TRIM43B: variants seen among roughly 807,000 people sequenced by gnomAD.
TRIM43B encodes tripartite motif containing 43B, also known as tripartite motif-containing protein 43B.
TRIM43B carries 15 observed loss-of-function variants against 27.0 expected under a neutral mutation model. That is an observed-to-expected ratio of 0.55 (90% CI 0.37 to 0.85). The LOEUF is 0.85. TRIM43B is among the 40% of genes least tolerant of loss of function. TRIM43B has a pLI of 0.00. For synonymous variants in TRIM43B, 69 were observed against 97.8 expected, an observed-to-expected ratio of 0.71 and a Z score of 1.74; for missense variants, 172 against 289.8, an observed-to-expected ratio of 0.59 and a Z score of 2.95.
exon 4 of TRIM43B, chr2:95,480,516 G>T (rs1373663525): frequency 1.2e-5 from 20 of 1,608,162 alleles, no homozygotes; most frequent in Non-Finnish European, 8.5e-7. Context: ...GATCATCTGT[G>T]CCCGTAAAAC....
chr2:95,484,456 T>G (rs1683604646), intron 1 of TRIM43B, 150 bp downstream of exon 1: 1 of 131,184 alleles, frequency 7.6e-6, no homozygotes, highest in African/African-American at 2.8e-5. Flanking sequence ...TTAAAATAAT[T>G]TTAAAAAAGA....
At chr2:95,482,772 C>G in intron 1 of TRIM43B, 54 bp from the exon 2 acceptor site, 1 of 1,541,380 alleles carries the variant, frequency 6.5e-7, no homozygotes, top group East Asian at 2.2e-5. Context: ...AGACAAAGAT[C>G]CAAGCAAAGT....
intron 1 of TRIM43B, among the ~76,000 whole-genome samples, chr2:95,484,092 C>T (rs1206336838): frequency 6.7e-6 from 1 of 148,692 alleles, no homozygotes; most frequent in East Asian, 2.0e-4. Flanking sequence ...AAAAAAAGGC[C>T]GGGCGCGGTG....
intron 3 of TRIM43B, among the ~76,000 whole-genome samples, chr2:95,481,002 T>C (rs1248810984): frequency 6.6e-6 from 1 of 152,110 alleles, no homozygotes; most frequent in Non-Finnish European, 1.5e-5. Context: ...CCTATCTTTC[T>C]TCTGTCAAAT....
At position 95,482,841 on chromosome 2, in the gene TRIM43B, T is replaced by C. The variant is rs558764361; in HGVS notation, c.-4-123A>G. The C allele has an allele frequency of 1.3e-4, 202 of 1,511,724 alleles. 2 individuals are homozygous for C. Among genetic ancestry groups the C allele is most frequent in the South Asian group, 4.9e-4 (36 of 72,884 alleles). 93.6% of individuals were successfully genotyped at this position (1,511,724 alleles called of 1,614,324 possible). On this transcript the variant is annotated intron_variant, in intron 1 of 6. Coordinates refer to ENST00000639673, the Ensembl canonical transcript of TRIM43B. ...TTTCTAAAGAAGTATAGGTTTTAAT[T>C]TGCAATGACAGAAATAGGAAAAATA... is the stretch of plus-strand genomic sequence containing the variant.
At chr2:95,481,932 C>CTGCTTCAG (rs1207598091) in intron 2 of TRIM43B, among the ~76,000 whole-genome samples, 3 of 151,838 alleles carry the variant, frequency 2.0e-5, no homozygotes, top group African/African-American at 7.3e-5. Context: ...GGGAAACATC[C>CTGCTTCAG]TGCTTCAGAA....
At chr2:95,481,835 A>G (rs1382108108) in intron 2 of TRIM43B, 145 bp from the exon 3 acceptor site, 10 of 720,178 alleles carry the variant, frequency 1.4e-5, no homozygotes, top group Non-Finnish European at 2.3e-5. Flanking sequence ...TCCTTAATTG[A>G]TATTTTTCAG....
exon 4 of TRIM43B, chr2:95,480,530 A>C: frequency 6.2e-7 from 1 of 1,608,402 alleles, no homozygotes; most frequent in Non-Finnish European, 8.5e-7. Flanking sequence ...GTAAAACCAC[A>C]TCGCCCTGTA....
At chr2:95,481,765 G>A in intron 2 of TRIM43B, 75 bp from the exon 3 acceptor site, 2 of 1,478,448 alleles carry the variant, frequency 1.4e-6, no homozygotes, top group Non-Finnish European at 1.8e-6. Flanking sequence ...AAGCAGGCAA[G>A]GGATCTAATA....
chr2:95,484,226 G>C (rs1683599293), intron 1 of TRIM43B, among the ~76,000 whole-genome samples: 1 of 151,916 alleles, frequency 6.6e-6, no homozygotes, highest in Non-Finnish European at 1.5e-5. Context: ...ACAAAATTTA[G>C]ATGGGCGTGG....
chr2:95,483,342 C>A (rs538632307), intron 1 of TRIM43B, among the ~76,000 whole-genome samples: 1 of 152,214 alleles, frequency 6.6e-6, no homozygotes, highest in African/African-American at 2.4e-5. Context: ...TTAATTTAAT[C>A]AACAAAAACT....
intron 1 of TRIM43B, among the ~76,000 whole-genome samples, chr2:95,484,247 C>A (rs1292097800): frequency 6.6e-6 from 1 of 151,846 alleles, no homozygotes; most frequent in Non-Finnish European, 1.5e-5. Context: ...TGGCAGGCGG[C>A]TATATTTCCA....
intron 1 of TRIM43B, 47 bp from the exon 2 acceptor site, chr2:95,482,765 C>T: frequency 1.9e-5 from 30 of 1,542,116 alleles, no homozygotes; most frequent in Non-Finnish European, 2.6e-5. Flanking sequence ...CCTGGAGAGA[C>T]AAAGATCCAA....
intron 1 of TRIM43B, among the ~76,000 whole-genome samples, chr2:95,483,366 C>A (rs897517758): frequency 6.6e-5 from 10 of 152,220 alleles, no homozygotes; most frequent in East Asian, 3.9e-4. Flanking sequence ...TGGCATGTTT[C>A]CTGTTCCTGG....
At chr2:95,484,356 G>A (rs1174930117) in intron 1 of TRIM43B, among the ~76,000 whole-genome samples, 1 of 151,958 alleles carries the variant, frequency 6.6e-6, no homozygotes, top group Non-Finnish European at 1.5e-5. Context: ...GCAATAGAGC[G>A]TGATTCCATC....
At position 95,480,953 on chromosome 2, in the gene TRIM43B, T is replaced by C. The variant is rs542711037; in HGVS notation, c.508-418A>G. 1.8e-4 allele frequency among the ~76,000 whole-genome samples: 27 copies of C among 152,198 alleles called. No individual in the cohort carries two copies. The South Asian group carries it at 5.4e-3, about 30-fold the overall frequency. On this transcript the variant is annotated intron_variant, in intron 3 of 6. Transcript: ENST00000639673. ...ACAAAAAGGATCTTAGTAAAAAATT[T>C]AACCCCCATCTCTCAAACCGACTAC...
Position 95,482,818 on chromosome 2 carries a change from T to C in TRIM43B, c.-4-100A>G. ...TCGTGATCGAATAATATCCTTTCTT[T>C]CTAAAGAAGTATAGGTTTTAATTTG... On this transcript the variant is annotated intron_variant, in intron 1 of 6. Transcript: ENST00000639673. 3 of 1,526,766 alleles carry C rather than the reference T, an allele frequency of 2.0e-6. No individual in the cohort carries two copies. In the Admixed American group the frequency reaches 6.8e-5, roughly 34 times the overall value. 94.6% of individuals were successfully genotyped at this position (1,526,766 alleles called of 1,614,324 possible).
intron 1 of TRIM43B, among the ~76,000 whole-genome samples, 182 bp from the exon 2 acceptor site, chr2:95,482,900 TA>T (rs1291345455): frequency 1.3e-5 from 2 of 152,258 alleles, no homozygotes; most frequent in Admixed American, 1.3e-4. Flanking sequence ...TCAATCTCTA[TA>T]AAAAGTGACT....
chr2:95,480,313 G>C (rs1683497555), exon 4 of TRIM43B: 12 of 1,607,210 alleles, frequency 7.5e-6, no homozygotes, highest in Non-Finnish European at 1.0e-5. Context: ...ACCTGGAGCA[G>C]CTCCACCTCT....
Sources: gnomAD v4.1 joint callset for allele counts (sites outside exome capture counted in the v4.1 genomes callset) on GRCh38, gnomAD v4.1.1 for gene constraint, MANE v1.5 for transcripts, NCBI Gene and HGNC (gene_info 2026-07-23, HGNC 2026-07-21) for gene names.